The following TCERG1L variants were observed in gnomAD, a reference collection of about 807,000 sequenced individuals.
The protein encoded by TCERG1L is transcription elongation regulator 1 like.
A neutral mutation model predicts 56.3 loss-of-function variants in TCERG1L; 37 were observed. The ratio of observed to expected loss-of-function variants is 0.66; its 90% CI spans 0.51 to 0.87. The LOEUF (loss-of-function observed/expected upper bound fraction) is 0.87, where lower values mean the gene tolerates loss of function less well. TCERG1L is among the 40% of genes least tolerant of loss of function. The pLI is 0.00. For synonymous variants in TCERG1L, 324 were observed against 326.3 expected, an observed-to-expected ratio of 0.99 and a Z score of 0.08; for missense variants, 799 against 774.2, an observed-to-expected ratio of 1.03 and a Z score of -0.38.
intron 4 of TCERG1L, among the ~76,000 whole-genome samples, chr10:131,184,208 G>A (rs931470030): frequency 5.3e-5 from 8 of 152,178 alleles, no homozygotes; most frequent in South Asian, 2.1e-4. Context: ...TTCAAAAAAC[G>A]TGGCCCATAT....
chr10:131,132,423 G>A (rs561411888), intron 8 of TCERG1L, among the ~76,000 whole-genome samples: 9 of 152,296 alleles, frequency 5.9e-5, no homozygotes, highest in Middle Eastern at 3.4e-3. Flanking sequence ...TAAAATTAGC[G>A]TTTCAATGTT....
intron 3 of TCERG1L, among the ~76,000 whole-genome samples, chr10:131,298,151 T>TC (rs1204079284): frequency 6.6e-6 from 1 of 151,672 alleles, no homozygotes; most frequent in Non-Finnish European, 1.5e-5. Context: ...GGTATTTCTT[T>TC]TTTTTTTTAA....
intron 3 of TCERG1L, among the ~76,000 whole-genome samples, chr10:131,304,663 TTTGAAAGCTGCAAAATTA>T (rs1431486792): frequency 6.6e-6 from 1 of 152,110 alleles, no homozygotes; most frequent in Non-Finnish European, 1.5e-5. Flanking sequence ...GAAGAATTTC[TTTGAAAGCTGCAAAATTA>T]TTAATTGGAG....
intron 8 of TCERG1L, among the ~76,000 whole-genome samples, chr10:131,127,812 G>A (rs900424928): frequency 9.9e-5 from 15 of 152,116 alleles, no homozygotes; most frequent in African/African-American, 2.2e-4. Flanking sequence ...CACGCTGCCC[G>A]GGGCCACTGC....
intron 3 of TCERG1L, among the ~76,000 whole-genome samples, chr10:131,281,526 G>A (rs554571713): frequency 6.6e-6 from 1 of 152,282 alleles, no homozygotes; most frequent in African/African-American, 2.4e-5. Flanking sequence ...GGAAGGAAAA[G>A]GAAACTTTGA....
intron 3 of TCERG1L, among the ~76,000 whole-genome samples, chr10:131,280,499 T>C (rs1367043648): frequency 6.6e-6 from 1 of 151,958 alleles, no homozygotes; most frequent in Admixed American, 6.6e-5. Flanking sequence ...CAGTTCCTGA[T>C]GAGCCTCTCC....
chr10:131,223,071 C>G (rs899620348), intron 4 of TCERG1L, among the ~76,000 whole-genome samples: 2 of 152,216 alleles, frequency 1.3e-5, no homozygotes, highest in African/African-American at 2.4e-5. Context: ...TGCCCCTGAT[C>G]AACCGGCGGG....
chr10:131,291,171 TTATAA>T, intron 3 of TCERG1L, among the ~76,000 whole-genome samples: 1 of 152,240 alleles, frequency 6.6e-6, no homozygotes, highest in South Asian at 2.1e-4. Context: ...TCTATTTTTA[TTATAA>T]TATTAGAATA....
chr10:131,228,044 T>G (rs1845812725), intron 4 of TCERG1L, among the ~76,000 whole-genome samples: 1 of 150,906 alleles, frequency 6.6e-6, no homozygotes, highest in Non-Finnish European at 1.5e-5. Context: ...CCGTGCTGTG[T>G]TTTCTCAGTG....
intron 11 of TCERG1L, among the ~76,000 whole-genome samples, chr10:131,094,305 G>A (rs77357309): frequency 0.069 from 10,433 of 152,274 alleles, 394 homozygotes; most frequent in Middle Eastern, 0.092. Context: ...TGGGGTGCAC[G>A]GAAAATGTGG....
At chr10:131,167,577 A>C (rs1330684555) in intron 4 of TCERG1L, among the ~76,000 whole-genome samples, 1 of 152,250 alleles carries the variant, frequency 6.6e-6, no homozygotes, top group Non-Finnish European at 1.5e-5. Context: ...GGGCCAGTGT[A>C]GGACAACAGA....
In TCERG1L at chr10:131,302,713, G is replaced by A. The variant is rs776510590; in HGVS notation, c.670+5498C>T. Among the ~76,000 whole-genome samples, 4 of 150,298 alleles carry A rather than the reference G, an allele frequency of 2.7e-5. No individual in the cohort carries two copies. The East Asian group carries it at 7.8e-4, about 29-fold the overall frequency. Reference sequence around the variant, plus strand: ...TATATAGGTATACATGCACCATGGTGATTTGCTGTACCCATCAACCCATCA... The same window carrying A: ...TATATAGGTATACATGCACCATGGTAATTTGCTGTACCCATCAACCCATCA... On this transcript the variant is annotated intron_variant, in intron 3 of 11. Coordinates refer to ENST00000368642, the MANE Select transcript of TCERG1L (RefSeq NM_174937.4).
chr10:131,211,729 A>G (rs1241414939), intron 4 of TCERG1L, among the ~76,000 whole-genome samples: 1 of 152,080 alleles, frequency 6.6e-6, no homozygotes, highest in Non-Finnish European at 1.5e-5. Context: ...TGGGCGGTGG[A>G]CTCGGGCCTG....
intron 4 of TCERG1L, among the ~76,000 whole-genome samples, chr10:131,238,531 C>T (rs2944500): frequency 0.022 from 3,416 of 152,254 alleles, 61 homozygotes; most frequent in East Asian, 0.07. Context: ...AAGTAAGCAA[C>T]GGGCAAAACC....
At chr10:131,233,749 G>A (rs545863983) in intron 4 of TCERG1L, among the ~76,000 whole-genome samples, 9 of 152,154 alleles carry the variant, frequency 5.9e-5, no homozygotes, top group South Asian at 2.1e-4. Context: ...GCTATGCTTC[G>A]GCTATGGTTT....
At chr10:131,124,380 C>T (rs983598108) in intron 8 of TCERG1L, among the ~76,000 whole-genome samples, 26 of 152,342 alleles carry the variant, frequency 1.7e-4, no homozygotes, top group Admixed American at 1.2e-3. Flanking sequence ...GGCCCCACCC[C>T]AGCCTTTGTC....
chr10:131,260,371 C>T lies in TCERG1L; in HGVS notation c.744G>A (p.Met248Ile), dbSNP rs368292274. 2.0e-6 allele frequency: 3 copies of T among 1,498,504 alleles called. No individual in the cohort carries two copies. The highest frequency in any genetic ancestry group is 2.6e-6 in the Non-Finnish European group (3 of 1,134,582). 92.8% of individuals were successfully genotyped at this position (1,498,504 alleles called of 1,614,324 possible). The change falls in exon 4 of 12, where the codon ATG (methionine) becomes ATA (isoleucine). Residue 248 changes from methionine (M) to isoleucine (I), a missense_variant. By Grantham distance (10) the Met-to-Ile change is conservative. Coordinates refer to ENST00000368642, the MANE Select transcript of TCERG1L (RefSeq NM_174937.4). The surrounding 1 kb of genome is among the most constrained non-coding windows in gnomAD (Gnocchi z 5.8). ...IAIATAAAAA[M>I]VSVDPENLRG... ...GGAGGTTCTCAGGGTCCACGGAGAC[C>T]ATGGCAGCGGCGGCGGCGGTGGCGA...
chr10:131,258,710 A>G (rs535249863), intron 4 of TCERG1L, among the ~76,000 whole-genome samples: 5 of 152,232 alleles, frequency 3.3e-5, no homozygotes, highest in Non-Finnish European at 5.9e-5. Flanking sequence ...TACAGGACAG[A>G]TAACGTTGGT....
chr10:131,271,209 G>A (rs535904752), intron 3 of TCERG1L, among the ~76,000 whole-genome samples: 6 of 150,904 alleles, frequency 4.0e-5, no homozygotes, highest in Admixed American at 2.6e-4. Flanking sequence ...GGCTTTTCCC[G>A]GGACTCAGTG....
Sources: allele counts gnomAD v4.1 joint callset (sites outside exome capture counted in the v4.1 genomes callset), GRCh38; gene constraint gnomAD v4.1.1; non-coding constraint Gnocchi (gnomAD v3.1); transcripts MANE v1.5; gene names NCBI Gene and HGNC (gene_info 2026-07-23, HGNC 2026-07-21).